The following MYO18B variants were observed in gnomAD, a reference collection of about 807,000 sequenced individuals.
MYO18B encodes the protein unconventional myosin-XVIIIb.
MYO18B carries 204 observed loss-of-function variants against 273.0 expected under a neutral mutation model. That is an observed-to-expected ratio of 0.75 (90% CI 0.67 to 0.84). The LOEUF (loss-of-function observed/expected upper bound fraction) is 0.84, where lower values mean the gene tolerates loss of function less well. MYO18B is among the 40% of genes least tolerant of loss of function. The pLI is 0.00. For synonymous variants in MYO18B, 1,330 were observed against 1,305.7 expected (o/e 1.02, Z -0.40); for missense variants, 3,212 against 3,287.6 (o/e 0.98, Z 0.56).
In MYO18B at chr22:25,851,460, A is replaced by T; in HGVS notation, c.3776-10A>T. On this transcript the variant is annotated splice_polypyrimidine_tract_variant and intron_variant, in intron 20 of 43. Coordinates refer to ENST00000335473, the MANE Select transcript of MYO18B (RefSeq NM_032608.7). ...CTGTGCTCTTCTCCTGCCTGCTCCTACCTCCCTAGGCTATGCTGACCACAT... is the reference window on the plus strand; with the variant it reads ...CTGTGCTCTTCTCCTGCCTGCTCCTTCCTCCCTAGGCTATGCTGACCACAT... 6.5e-7 allele frequency: 1 copy of T among 1,544,094 alleles called. No individual in the cohort carries two copies. Among genetic ancestry groups the T allele is most frequent in the Non-Finnish European group, 8.8e-7 (1 of 1,140,274 alleles).
intron 1 of MYO18B, among the ~76,000 whole-genome samples, chr22:25,749,422 G>T (rs903291704): frequency 6.6e-6 from 1 of 152,222 alleles, no homozygotes; most frequent in Non-Finnish European, 1.5e-5. Flanking sequence ...GAAGGGTGTT[G>T]TGGTTGTAGA....
chr22:26,027,844 A>T lies in MYO18B; in HGVS notation c.*12+154A>T. 1 of 786,724 alleles carries T rather than the reference A, an allele frequency of 1.3e-6. No homozygotes were observed. Among genetic ancestry groups the T allele is most frequent in the South Asian group, 1.9e-5 (1 of 51,406 alleles). The allele number at this position is 786,724 out of a possible 1,614,324, so 48.7% of individuals were successfully genotyped here. On this transcript the variant is annotated intron_variant, in intron 43 of 43. Transcript: ENST00000335473. The surrounding 1 kb of genome is among the most constrained non-coding windows in gnomAD (Gnocchi z 4.1). The stretch of plus-strand genomic sequence containing the variant: ...TTTAGCTGAAGTCATGTGTTGATGG[A>T]TGCAAAGCTTTTCAGAACCCCTCTG...
intron 22 of MYO18B, among the ~76,000 whole-genome samples, chr22:25,872,031 T>C (rs2091061526): frequency 6.6e-6 from 1 of 152,098 alleles, no homozygotes; most frequent in Non-Finnish European, 1.5e-5. Flanking sequence ...ATTAATACAG[T>C]CATTATTGAA....
At chr22:25,890,944 C>T in intron 26 of MYO18B, 69 bp downstream of exon 26, 1 of 1,557,092 alleles carries the variant, frequency 6.4e-7, no homozygotes, top group Non-Finnish European at 8.7e-7. Context: ...TGCTCCCCGA[C>T]CCTCTCATTG....
At chr22:25,879,435 G>T (rs1027455257) in intron 25 of MYO18B, among the ~76,000 whole-genome samples, 1 of 152,174 alleles carries the variant, frequency 6.6e-6, no homozygotes, top group Non-Finnish European at 1.5e-5. Flanking sequence ...TTATATTTAT[G>T]GGAATCATAA....
At chr22:25,943,750 G>T (rs1387578439) in intron 34 of MYO18B, among the ~76,000 whole-genome samples, 1 of 120,758 alleles carries the variant, frequency 8.3e-6, no homozygotes, top group Non-Finnish European at 1.6e-5. Context: ...ACGGAGTTTC[G>T]GTCTTGTTAC....
At chr22:25,895,096 A>T in intron 27 of MYO18B, 60 bp from the exon 28 acceptor site, 2 of 1,570,100 alleles carry the variant, frequency 1.3e-6, no homozygotes, top group Non-Finnish European at 1.7e-6. Flanking sequence ...AGAGCCACTC[A>T]CACTCTTGCC....
At chr22:25,927,072 C>T (rs1322121831) in intron 34 of MYO18B, among the ~76,000 whole-genome samples, 2 of 152,102 alleles carry the variant, frequency 1.3e-5, no homozygotes, top group Non-Finnish European at 2.9e-5. Context: ...GGATGTATAT[C>T]GCCTCAGGAC....
At chr22:25,783,514 C>A (rs576242573) in intron 10 of MYO18B, among the ~76,000 whole-genome samples, 3 of 152,234 alleles carry the variant, frequency 2.0e-5, no homozygotes, top group Non-Finnish European at 4.4e-5. Flanking sequence ...ACACACATCA[C>A]CCTTGTTCCA....
rs1403235325 is a variant in MYO18B at position 26,030,890 on chromosome 22, T to C, written c.*460T>C. The C allele has an allele frequency of 5.0e-6, 2 of 398,500 alleles. No individual in the cohort carries two copies. Among genetic ancestry groups the C allele is most frequent in the Non-Finnish European group, 8.8e-6 (2 of 226,082 alleles). The allele number at this position is 398,500 out of a possible 1,614,324, so 24.7% of individuals were successfully genotyped here. A position where few individuals can be genotyped will look rare whatever the true frequency, so the allele number is the denominator to read the frequency against. ...AACTGAAACAAATGCTCCTCCTCCA[T>C]GCTCCCTTAATCCCCATGCTTGTCG... On this transcript the variant is annotated 3_prime_UTR_variant, in exon 44 of 44. Coordinates refer to ENST00000335473, the MANE Select transcript of MYO18B (RefSeq NM_032608.7).
intron 34 of MYO18B, among the ~76,000 whole-genome samples, chr22:25,932,067 C>T (rs190224741): frequency 2.0e-5 from 3 of 152,048 alleles, no homozygotes; most frequent in Non-Finnish European, 2.9e-5. Context: ...GGAGGCTCTG[C>T]GTAGAGGCAA....
At chr22:25,763,161 A>AGT in intron 2 of MYO18B, 70 bp from the exon 3 acceptor site, 18 of 1,417,902 alleles carry the variant, frequency 1.3e-5, no homozygotes, top group Non-Finnish European at 1.6e-5. Flanking sequence ...TCCATCACAA[A>AGT]CTTTGAAGGG....
In MYO18B at chr22:25,935,910, C is replaced by G. The variant is rs550981477; in HGVS notation, c.5518-10227C>G. Among the ~76,000 whole-genome samples the G allele has an allele frequency of 1.2e-4, 18 of 152,350 alleles. No homozygotes were observed. The South Asian group carries it at 3.7e-3, about 32-fold the overall frequency. On this transcript the variant is annotated intron_variant, in intron 34 of 43. Transcript: ENST00000335473. ...TTCCCAAGGATGCATGCAGTGCAGA[C>G]AGGCTACAGAGTCAGGCAGTCCTGG...
intron 11 of MYO18B, among the ~76,000 whole-genome samples, chr22:25,786,338 G>C (rs955290142): frequency 6.6e-6 from 1 of 152,212 alleles, no homozygotes; most frequent in Non-Finnish European, 1.5e-5. Context: ...TGCCAGGGAA[G>C]ACTTCTTAGC....
At chr22:26,000,747 G>T (rs897287079) in intron 40 of MYO18B, among the ~76,000 whole-genome samples, 2 of 151,942 alleles carry the variant, frequency 1.3e-5, no homozygotes, top group African/African-American at 4.8e-5. Context: ...TCATTTTTTG[G>T]AGACCATCTC....
chr22:25,819,960 T>C (rs1300696141), intron 12 of MYO18B, among the ~76,000 whole-genome samples: 1 of 105,764 alleles, frequency 9.5e-6, no homozygotes, highest in Non-Finnish European at 2.1e-5. Flanking sequence ...GTGTCACTCC[T>C]GGAACAATAA....
the MYO18B span, among the ~76,000 whole-genome samples, chr22:26,046,855 C>A: frequency 6.6e-6 from 1 of 152,174 alleles, no homozygotes; most frequent in Non-Finnish European, 1.5e-5. Context: ...TTATTTCCCA[C>A]TGGGGTAGCT....
chr22:25,902,073 A>G (rs2091948762), intron 29 of MYO18B, among the ~76,000 whole-genome samples: 1 of 152,198 alleles, frequency 6.6e-6, no homozygotes, highest in East Asian at 1.9e-4. Flanking sequence ...CCTGGCCCCA[A>G]GTGATCCTCC....
chr22:25,847,476 A>G lies in MYO18B; in HGVS notation c.3599A>G (p.His1200Arg), dbSNP rs984226001. 2 of 1,581,594 alleles carry G rather than the reference A, an allele frequency of 1.3e-6. No homozygotes were observed. The highest frequency in any genetic ancestry group is 1.7e-6 in the Non-Finnish European group (2 of 1,163,570). The part of the protein sequence containing the change: ...MIKRSRLHFI[H>R]CLVPNPVVES... ...AAAAGGTCCCGGCTGCACTTTATCCACTGCCTGGTACCAAACCCTGTGGTG... is the reference window on the plus strand; with the variant it reads ...AAAAGGTCCCGGCTGCACTTTATCCGCTGCCTGGTACCAAACCCTGTGGTG... The change falls in exon 20 of 44, where the codon CAC becomes CGC. Residue 1200 changes from histidine to arginine, a missense_variant. Physicochemically the swap from His to Arg is conservative, Grantham distance 29. Coordinates refer to ENST00000335473, the MANE Select transcript of MYO18B (RefSeq NM_032608.7).
Sources: allele counts gnomAD v4.1 joint callset (sites outside exome capture counted in the v4.1 genomes callset), GRCh38; gene constraint gnomAD v4.1.1; non-coding constraint Gnocchi (gnomAD v3.1); transcripts MANE v1.5; gene names NCBI Gene and HGNC (gene_info 2026-07-23, HGNC 2026-07-21).